SAMTOR: variants seen among roughly 807,000 people sequenced by gnomAD.
The protein encoded by SAMTOR is S-adenosylmethionine sensor upstream of mTORC1, also known as UPF0532 protein C7orf60.
chr7:112,848,521 C>G, the SAMTOR span, among the ~76,000 whole-genome samples: 2 of 152,058 alleles, frequency 1.3e-5, no homozygotes, highest in Admixed American at 6.6e-5. Flanking sequence ...CAAAATCTTA[C>G]GGGAGTAGAA....
the SAMTOR span, among the ~76,000 whole-genome samples, chr7:112,856,098 C>A: frequency 6.6e-6 from 1 of 151,774 alleles, no homozygotes; most frequent in Non-Finnish European, 1.5e-5. Context: ...TGAATATAAA[C>A]GAGTATACAA....
chr7:112,907,877 G>C, the SAMTOR span, among the ~76,000 whole-genome samples: 1 of 80,224 alleles, frequency 1.2e-5, no homozygotes, highest in Admixed American at 1.3e-4. Context: ...TTATTTATTT[G>C]CTGGTGAAAC....
chr7:112,918,503 G>A, the SAMTOR span, among the ~76,000 whole-genome samples: 4 of 152,198 alleles, frequency 2.6e-5, no homozygotes, highest in African/African-American at 7.2e-5. Flanking sequence ...ATGCCAAATT[G>A]TAAAGACCCT....
the SAMTOR span, among the ~76,000 whole-genome samples, chr7:112,884,349 G>A: frequency 6.6e-6 from 1 of 152,042 alleles, no homozygotes; most frequent in East Asian, 1.9e-4. Flanking sequence ...AACTCATTCT[G>A]TTATTAACCC....
At chr7:112,871,400 A>G in the SAMTOR span, among the ~76,000 whole-genome samples, 4 of 152,216 alleles carry the variant, frequency 2.6e-5, no homozygotes, top group Non-Finnish European at 4.4e-5. Context: ...TGGAAACTAA[A>G]TTAACTTGCT....
the SAMTOR span, among the ~76,000 whole-genome samples, chr7:112,830,547 C>A: frequency 6.6e-6 from 1 of 152,154 alleles, no homozygotes; most frequent in African/African-American, 2.4e-5. Context: ...AAGAACATCT[C>A]TCATGTATAT....
chr7:112,823,213 T>C, the SAMTOR span, among the ~76,000 whole-genome samples: 2 of 152,134 alleles, frequency 1.3e-5, no homozygotes, highest in African/African-American at 4.8e-5. Flanking sequence ...TTCTAGTACC[T>C]GAAAAAAAGA....
At chr7:112,860,537 A>G in the SAMTOR span, among the ~76,000 whole-genome samples, 4 of 152,188 alleles carry the variant, frequency 2.6e-5, no homozygotes, top group Non-Finnish European at 5.9e-5. Context: ...AATTAAACTA[A>G]GTCTCACAAA....
At chr7:112,902,314 T>C in the SAMTOR span, among the ~76,000 whole-genome samples, 1 of 149,744 alleles carries the variant, frequency 6.7e-6, no homozygotes, top group Non-Finnish European at 1.5e-5. Flanking sequence ...GGCAGGAAAA[T>C]TGCTTGAACC....
At chr7:112,905,386 G>A in the SAMTOR span, among the ~76,000 whole-genome samples, 1 of 152,212 alleles carries the variant, frequency 6.6e-6, no homozygotes, top group Admixed American at 6.5e-5. Flanking sequence ...TGATACATGT[G>A]AGACAACCCC....
chr7:112,930,502 T>C, the SAMTOR span, among the ~76,000 whole-genome samples: 2 of 147,034 alleles, frequency 1.4e-5, no homozygotes, highest in African/African-American at 5.0e-5. Flanking sequence ...ATATAAAAAC[T>C]TAGAAACACA....
At chr7:112,896,575 C>T in the SAMTOR span, among the ~76,000 whole-genome samples, 2 of 152,120 alleles carry the variant, frequency 1.3e-5, no homozygotes, top group African/African-American at 2.4e-5. Context: ...TAACTCTATA[C>T]GCAGAAGTTG....
chr7:112,915,705 AAATG>A, the SAMTOR span, among the ~76,000 whole-genome samples: 500 of 152,372 alleles, frequency 3.3e-3, 9 homozygotes, highest in Admixed American at 0.031. Context: ...TTTAATAAAT[AAATG>A]AATGATAACA....
At chr7:112,886,701 A>T in the SAMTOR span, among the ~76,000 whole-genome samples, 2 of 152,230 alleles carry the variant, frequency 1.3e-5, no homozygotes. Context: ...ACTGGCCTGA[A>T]AGGACTTCAT....
At chr7:112,866,893 T>G in the SAMTOR span, among the ~76,000 whole-genome samples, 1 of 152,230 alleles carries the variant, frequency 6.6e-6, no homozygotes, top group Non-Finnish European at 1.5e-5. Flanking sequence ...CCTCTCAAGA[T>G]GCTTTCAAAC....
chr7:112,907,911 C>T, the SAMTOR span, among the ~76,000 whole-genome samples: 37 of 151,812 alleles, frequency 2.4e-4, no homozygotes, highest in Non-Finnish European at 5.1e-4. Context: ...AACCTCTACA[C>T]AGGGCAATTT....
the SAMTOR span, among the ~76,000 whole-genome samples, chr7:112,876,616 G>GTT: frequency 6.6e-6 from 1 of 152,010 alleles, no homozygotes; most frequent in Non-Finnish European, 1.5e-5. Context: ...TATTATTACT[G>GTT]TAATTGGTTT....
chr7:112,826,458 C>A, the SAMTOR span, among the ~76,000 whole-genome samples: 1 of 152,072 alleles, frequency 6.6e-6, no homozygotes, highest in African/African-American at 2.4e-5. Flanking sequence ...TAAAGTTGTT[C>A]AAAATATTTT....
chr7:112,894,979 C>T, the SAMTOR span, among the ~76,000 whole-genome samples: 1 of 152,088 alleles, frequency 6.6e-6, no homozygotes, highest in Non-Finnish European at 1.5e-5. Flanking sequence ...TTATAATAGT[C>T]ATGTACTTAT....
Sources: gnomAD v4.1 joint callset for allele counts (sites outside exome capture counted in the v4.1 genomes callset) on GRCh38, gnomAD v4.1.1 for gene constraint, MANE v1.5 for transcripts, NCBI Gene and HGNC (gene_info 2026-07-23, HGNC 2026-07-21) for gene names.